ROBO2: variants seen among roughly 807,000 people sequenced by gnomAD.
The protein encoded by ROBO2 is roundabout homolog 2.
ROBO2 carries 53 observed loss-of-function variants against 160.8 expected under a neutral mutation model. The observed-to-expected ratio is 0.33, with a 90% confidence interval of 0.26 to 0.41. The LOEUF (loss-of-function observed/expected upper bound fraction) is 0.41, where lower values mean the gene tolerates loss of function less well. ROBO2 is among the 10% of genes least tolerant of loss of function. The pLI is 1.00. For missense variants in ROBO2, 1,577 were observed against 1,722.4 expected, an observed-to-expected ratio of 0.92 and a Z score of 1.49; for synonymous variants, 664 against 611.7, an observed-to-expected ratio of 1.09 and a Z score of -1.26.
chr3:76,058,561 G>A (rs1043581819), intron 2 of ROBO2, among the ~76,000 whole-genome samples: 10 of 130,076 alleles, frequency 7.7e-5, no homozygotes, highest in Non-Finnish European at 1.6e-5. Flanking sequence ...CGTTGCACAT[G>A]AACTATCACA....
chr3:76,424,588 A>C (rs2076132955), intron 2 of ROBO2, among the ~76,000 whole-genome samples: 1 of 152,180 alleles, frequency 6.6e-6, no homozygotes, highest in South Asian at 2.1e-4. Context: ...GATACTTTAT[A>C]GGGCCTATTA....
At chr3:77,175,154 T>C (rs1244173575) in intron 2 of ROBO2, among the ~76,000 whole-genome samples, 1 of 152,080 alleles carries the variant, frequency 6.6e-6, no homozygotes, top group Non-Finnish European at 1.5e-5. Flanking sequence ...TTAAACAACC[T>C]ACCTGAAACT....
At chr3:76,659,518 C>T (rs534671272) in intron 2 of ROBO2, among the ~76,000 whole-genome samples, 1 of 151,756 alleles carries the variant, frequency 6.6e-6, no homozygotes, top group African/African-American at 2.4e-5. Context: ...ATCGGCTCAC[C>T]CTGTACTATA....
At chr3:76,675,921 A>G (rs1440231258) in intron 2 of ROBO2, among the ~76,000 whole-genome samples, 1 of 152,170 alleles carries the variant, frequency 6.6e-6, no homozygotes, top group Non-Finnish European at 1.5e-5. Context: ...ATAGCTTTAA[A>G]GTATACTAAG....
At chr3:77,279,340 C>T (rs1237990215) in intron 2 of ROBO2, among the ~76,000 whole-genome samples, 6 of 151,942 alleles carry the variant, frequency 3.9e-5, no homozygotes, top group Non-Finnish European at 7.4e-5. Context: ...ATTGCTTATA[C>T]GGGAAACATT....
At chr3:76,108,048 G>A (rs1359062610) in intron 2 of ROBO2, among the ~76,000 whole-genome samples, 1 of 151,956 alleles carries the variant, frequency 6.6e-6, no homozygotes. Flanking sequence ...ATATTAGAAA[G>A]AATAGCATAC....
chr3:76,090,373 G>A (rs548991709), intron 2 of ROBO2, among the ~76,000 whole-genome samples: 11 of 151,912 alleles, frequency 7.2e-5, no homozygotes, highest in Non-Finnish European at 1.5e-4. Context: ...GAATAGATCC[G>A]GGAGATCATG....
intron 2 of ROBO2, among the ~76,000 whole-genome samples, chr3:76,516,433 C>T (rs193125398): frequency 1.4e-4 from 21 of 152,188 alleles, no homozygotes; most frequent in Admixed American, 3.3e-4. Flanking sequence ...AAATGTGACC[C>T]CGAACACATT....
chr3:76,039,717 T>C (rs576543112), intron 2 of ROBO2, among the ~76,000 whole-genome samples: 1 of 152,122 alleles, frequency 6.6e-6, no homozygotes, highest in Admixed American at 6.5e-5. Context: ...GCATAGATAT[T>C]TGTCAGTCTA....
intron 2 of ROBO2, among the ~76,000 whole-genome samples, chr3:76,080,338 T>C (rs2068781894): frequency 1.3e-5 from 2 of 152,238 alleles, no homozygotes; most frequent in Non-Finnish European, 2.9e-5. Context: ...ACATTTATAA[T>C]TCAGTCCTAA....
intron 2 of ROBO2, among the ~76,000 whole-genome samples, chr3:76,935,377 C>G (rs1462633058): frequency 6.6e-6 from 1 of 152,200 alleles, no homozygotes; most frequent in Non-Finnish European, 1.5e-5. Flanking sequence ...GTTAACAAAC[C>G]TACAGACCTA....
chr3:76,915,490 G>A (rs1303416086), intron 2 of ROBO2, among the ~76,000 whole-genome samples: 2 of 151,368 alleles, frequency 1.3e-5, no homozygotes, highest in East Asian at 1.9e-4. Flanking sequence ...GTGAAACCCT[G>A]TCTCCATTAA....
intron 2 of ROBO2, among the ~76,000 whole-genome samples, chr3:77,316,552 C>CTTTTT (rs1252766861): frequency 6.6e-6 from 1 of 152,090 alleles, no homozygotes; most frequent in Non-Finnish European, 1.5e-5. Flanking sequence ...AAGTCTACTA[C>CTTTTT]TGAAAGGATC....
rs141953818 is a variant in ROBO2 at position 76,347,660 on chromosome 3, A to C, written c.109+410058A>C. Among the ~76,000 whole-genome samples, 645 of 152,090 alleles carry C rather than the reference A, an allele frequency of 4.2e-3. 7 individuals carry two copies. The highest frequency in any genetic ancestry group is 0.015 in the African/African-American group (608 of 41,486). ...GCTTTTGAAACAAAGATGATTCAGC[A>C]ACCCAGAAAGACAAAAGGGGTGGTC... On this transcript the variant is annotated intron_variant, in intron 2 of 26. Coordinates refer to the ROBO2 transcript ENST00000487694.
At chr3:76,486,347 A>G (rs1376840173) in intron 2 of ROBO2, among the ~76,000 whole-genome samples, 2 of 152,118 alleles carry the variant, frequency 1.3e-5, no homozygotes, top group South Asian at 2.1e-4. Context: ...GGTTGAAGTT[A>G]TGTCACTTTC....
chr3:77,477,830 C>CTTTTTTTT (rs11371687), intron 3 of ROBO2, among the ~76,000 whole-genome samples: 12 of 84,468 alleles, frequency 1.4e-4, no homozygotes, highest in African/African-American at 2.4e-4. Flanking sequence ...TATTTTAGCT[C>CTTTTTTTT]TTTTTTTTTT....
At chr3:76,310,752 G>C (rs2071540784) in intron 2 of ROBO2, among the ~76,000 whole-genome samples, 1 of 152,166 alleles carries the variant, frequency 6.6e-6, no homozygotes, top group Admixed American at 6.5e-5. Context: ...CTGAACTGAA[G>C]CAGGCGTTAT....
intron 12 of ROBO2, among the ~76,000 whole-genome samples, chr3:77,565,456 A>T (rs538224686): frequency 2.0e-5 from 3 of 152,104 alleles, no homozygotes; most frequent in Non-Finnish European, 4.4e-5. Flanking sequence ...GTGGTCTTTA[A>T]TGAGTAGATG....
At chr3:76,978,216 G>A (rs2149313054) in intron 2 of ROBO2, among the ~76,000 whole-genome samples, 1 of 152,218 alleles carries the variant, frequency 6.6e-6, no homozygotes, top group African/African-American at 2.4e-5. Flanking sequence ...ACATATTCAA[G>A]GCTCTGATTT....
Sources: allele counts gnomAD v4.1 joint callset (sites outside exome capture counted in the v4.1 genomes callset), GRCh38; gene constraint gnomAD v4.1.1; transcripts MANE v1.5; gene names NCBI Gene and HGNC (gene_info 2026-07-23, HGNC 2026-07-21).